TPD52L1: variants seen among roughly 807,000 people sequenced by gnomAD.
TPD52L1 encodes the protein tumor protein D53.
In TPD52L1, 18 loss-of-function variants were observed where a neutral mutation model predicts 28.7. The ratio of observed to expected loss-of-function variants is 0.63; its 90% CI spans 0.43 to 0.93. The LOEUF (loss-of-function observed/expected upper bound fraction) is 0.93. Ranked by LOEUF, TPD52L1 falls within the 40% of genes least tolerant of loss-of-function variation. TPD52L1 has a pLI of 0.00. For synonymous variants in TPD52L1, 75 were observed against 88.8 expected (o/e 0.84, Z 0.88); for missense variants, 203 against 254.8 (o/e 0.80, Z 1.39).
At chr6:125,213,699 C>T (rs922802710) in intron 1 of TPD52L1, among the ~76,000 whole-genome samples, 13 of 152,092 alleles carry the variant, frequency 8.5e-5, no homozygotes, top group African/African-American at 3.1e-4. Flanking sequence ...GAGAATTAAA[C>T]ACGAGGGGCC....
In TPD52L1 at chr6:125,263,561, A is replaced by G. The variant is rs1341386040; in HGVS notation, c.*599A>G. The G allele has an allele frequency of 6.6e-6, 1 of 152,402 alleles. No homozygotes were observed. The highest frequency in any genetic ancestry group is 1.5e-5 in the Non-Finnish European group (1 of 68,100). 9.4% of individuals were successfully genotyped at this position (152,402 alleles called of 1,614,324 possible). A position where few individuals can be genotyped will look rare whatever the true frequency, so the allele number is the denominator to read the frequency against. On this transcript the variant is annotated 3_prime_UTR_variant, in exon 7 of 7. Coordinates refer to ENST00000534000, the MANE Select transcript of TPD52L1 (RefSeq NM_003287.4). ...TTATGATTTTACAGATGCAATTTTAAATCAACTTTTAGCCAGGTGCGGCGG... is the reference window on the plus strand; with the variant it reads ...TTATGATTTTACAGATGCAATTTTAGATCAACTTTTAGCCAGGTGCGGCGG...
At chr6:125,251,376 C>T (rs1272911284) in intron 4 of TPD52L1, among the ~76,000 whole-genome samples, 2 of 149,934 alleles carry the variant, frequency 1.3e-5, no homozygotes, top group Non-Finnish European at 3.0e-5. Flanking sequence ...AACAACAGTA[C>T]CTCTCAGTTT....
chr6:125,237,737 G>A (rs1383717164), intron 3 of TPD52L1, among the ~76,000 whole-genome samples: 1 of 150,836 alleles, frequency 6.6e-6, no homozygotes, highest in African/African-American at 2.5e-5. Context: ...TCTGCCTCCT[G>A]GGTTCAAGCA....
intron 2 of TPD52L1, 135 bp downstream of exon 2, chr6:125,220,328 C>T (rs955440299): frequency 5.7e-5 from 35 of 615,384 alleles, no homozygotes; most frequent in East Asian, 2.9e-5. Flanking sequence ...TAAATGAATA[C>T]ATTACAAGAT....
chr6:125,227,264 C>T (rs1425905379), intron 2 of TPD52L1, among the ~76,000 whole-genome samples: 2 of 152,126 alleles, frequency 1.3e-5, no homozygotes, highest in Non-Finnish European at 2.9e-5. Context: ...GTTTTGCTTA[C>T]GTGATTATTT....
chr6:125,190,219 G>A (rs1053967352), intron 1 of TPD52L1, among the ~76,000 whole-genome samples: 4 of 152,176 alleles, frequency 2.6e-5, no homozygotes, highest in Non-Finnish European at 5.9e-5. Flanking sequence ...GGAATTCTTA[G>A]TTTGTAGGAC....
chr6:125,193,269 C>T (rs539661663), intron 1 of TPD52L1, among the ~76,000 whole-genome samples: 1 of 152,062 alleles, frequency 6.6e-6, no homozygotes, highest in African/African-American at 2.4e-5. Context: ...AGAAGGACTT[C>T]GGGGCTTTTT....
Position 125,188,759 on chromosome 6 carries a change from A to G in TPD52L1, c.20-31319A>G, listed in dbSNP as rs115923043. Among the ~76,000 whole-genome samples the G allele has an allele frequency of 7.3e-3, 1,106 of 152,304 alleles. 8 individuals carry two copies. Among genetic ancestry groups the G allele is most frequent in the African/African-American group, 0.025 (1,022 of 41,558 alleles). Reference sequence around the variant, plus strand: ...TGCAGTTTGAAAACATACTGCATCAAAGGACTCCTATCAAAGTGGCATGCA... The same window carrying G: ...TGCAGTTTGAAAACATACTGCATCAGAGGACTCCTATCAAAGTGGCATGCA... On this transcript the variant is annotated intron_variant, in intron 1 of 6. Coordinates refer to ENST00000534000, the MANE Select transcript of TPD52L1 (RefSeq NM_003287.4).
chr6:125,255,203 A>C (rs1797524142), intron 5 of TPD52L1, among the ~76,000 whole-genome samples: 1 of 152,154 alleles, frequency 6.6e-6, no homozygotes, highest in African/African-American at 2.4e-5. Flanking sequence ...TAATGGGTCA[A>C]ATGTAGTCTG....
Position 125,257,157 on chromosome 6 carries a change from A to G in TPD52L1, c.485A>G (p.Lys162Arg). The G allele has an allele frequency of 2.5e-6, 4 of 1,611,146 alleles. No homozygotes were observed. In the East Asian group the frequency reaches 6.7e-5, roughly 27 times the overall value. Residue 162 changes from lysine to arginine, a missense_variant and splice_region_variant, in exon 6 of 7, where the codon AAG becomes AGG. By Grantham distance (26) the Lys-to-Arg change is conservative. Coordinates refer to ENST00000534000, the MANE Select transcript of TPD52L1 (RefSeq NM_003287.4). ...GTTGAGACAACTGTCACAAGCCTCA[A>G]GGTACAGATGAAGTGAATTCTGTGT... is the stretch of plus-strand genomic sequence containing the variant. ...ERVETTVTSL[K>R]TKVGGTNPNG...
intron 3 of TPD52L1, among the ~76,000 whole-genome samples, chr6:125,241,926 T>TG (rs1267504683): frequency 6.6e-6 from 1 of 152,020 alleles, no homozygotes; most frequent in African/African-American, 2.4e-5. Context: ...GTTGTCTATT[T>TG]GGGGTCTTTC....
At chr6:125,235,756 G>C (rs79658495) in intron 3 of TPD52L1, among the ~76,000 whole-genome samples, 2,914 of 152,266 alleles carry the variant, frequency 0.019, 102 homozygotes, top group African/African-American at 0.066. Flanking sequence ...AAATATGATG[G>C]TTAGCTGGGC....
At chr6:125,154,739 G>T (rs914057269) in intron 1 of TPD52L1, among the ~76,000 whole-genome samples, 1 of 152,128 alleles carries the variant, frequency 6.6e-6, no homozygotes, top group Non-Finnish European at 1.5e-5. Flanking sequence ...TAAACGGACC[G>T]TGGAAAGGGG....
intron 3 of TPD52L1, among the ~76,000 whole-genome samples, chr6:125,240,597 G>A (rs1361848482): frequency 6.6e-6 from 1 of 151,884 alleles, no homozygotes. Context: ...ATCGTAAAAG[G>A]GATTGAGTTC....
chr6:125,257,237 CGAGGCAGGG>C, intron 6 of TPD52L1, 79 bp downstream of exon 6: 1 of 1,240,668 alleles, frequency 8.1e-7, no homozygotes, highest in Non-Finnish European at 1.2e-6. Flanking sequence ...AGTTTAAAGT[CGAGGCAGGG>C]CCAAGAAGGC....
At chr6:125,244,054 T>C (rs994082600) in intron 3 of TPD52L1, among the ~76,000 whole-genome samples, 4 of 152,202 alleles carry the variant, frequency 2.6e-5, no homozygotes, top group Non-Finnish European at 2.9e-5. Flanking sequence ...GCTTGTAGGG[T>C]TGAAGACTCA....
At position 125,162,895 on chromosome 6, in the gene TPD52L1, G is replaced by T. The variant is rs145754200; in HGVS notation, c.19+8925G>T. Among the ~76,000 whole-genome samples the T allele has an allele frequency of 2.6e-3, 392 of 152,314 alleles. 2 individuals are homozygous for T. Among genetic ancestry groups the T allele is most frequent in the African/African-American group, 9.0e-3 (375 of 41,562 alleles). ...TATCAAAACCTTATAATAACATCAT[G>T]AGGTAGATACCTTTACTTTTAACTC... On this transcript the variant is annotated intron_variant, in intron 1 of 6. Coordinates refer to ENST00000534000, the MANE Select transcript of TPD52L1 (RefSeq NM_003287.4).
At chr6:125,237,891 C>T (rs1796366848) in intron 3 of TPD52L1, among the ~76,000 whole-genome samples, 1 of 152,096 alleles carries the variant, frequency 6.6e-6, no homozygotes, top group Admixed American at 6.6e-5. Flanking sequence ...AACTCCTGAC[C>T]TCAGGTGATC....
chr6:125,163,937 C>A (rs536235), intron 1 of TPD52L1, among the ~76,000 whole-genome samples: 81,747 of 147,782 alleles, frequency 0.55, 25,236 homozygotes, highest in African/African-American at 0.85. Context: ...AAAAAGAAAA[C>A]AAAAGAAAAA....
Sources: gnomAD v4.1 joint callset for allele counts (sites outside exome capture counted in the v4.1 genomes callset) on GRCh38, gnomAD v4.1.1 for gene constraint, MANE v1.5 for transcripts, NCBI Gene and HGNC (gene_info 2026-07-23, HGNC 2026-07-21) for gene names.